MICA: variants seen among roughly 807,000 people sequenced by gnomAD.
MICA encodes the protein MHC class I polypeptide-related sequence A.
In MICA, 18 loss-of-function variants were observed where a neutral mutation model predicts 34.3. That is an observed-to-expected ratio of 0.52 (90% CI 0.36 to 0.78). MICA has a LOEUF of 0.78. Among genes scored for constraint, MICA ranks in the 30% least tolerant of loss-of-function variants. The pLI is 0.00. For synonymous variants in MICA, 135 were observed against 156.9 expected, an observed-to-expected ratio of 0.86 and a Z score of 1.04; for missense variants, 333 against 409.4, an observed-to-expected ratio of 0.81 and a Z score of 1.61.
chr6:31,409,963 A>C (rs1289665555), intron 1 of MICA, among the ~76,000 whole-genome samples: 2 of 86,422 alleles, frequency 2.3e-5, no homozygotes, highest in Non-Finnish European at 4.2e-5. Context: ...TTTGAACCCA[A>C]GCCCACACCG....
At position 31,403,774 on chromosome 6, in the gene MICA, G is replaced by A; in HGVS notation, c.70+72G>A. The A allele has an allele frequency of 1.4e-6, 2 of 1,425,320 alleles. No individual in the cohort carries two copies. The highest frequency in any genetic ancestry group is 2.3e-5 in the Admixed American group (1 of 43,228). The allele number at this position is 1,425,320 out of a possible 1,614,324, so 88.3% of individuals were successfully genotyped here. ...CGTTTCCGGGGGTCGGGTGGGTAGC[G>A]GCGAGCGCTGTGCGGTCAGGGCGGG... On this transcript the variant is annotated intron_variant, in intron 1 of 5. Coordinates refer to ENST00000449934, the MANE Select transcript of MICA (RefSeq NM_001177519.3). This position sits in a 1 kb window ranked among gnomAD's most constrained non-coding sequence, Gnocchi z 4.7.
chr6:31,405,712 C>T (rs1170020603), intron 1 of MICA, among the ~76,000 whole-genome samples: 3 of 151,802 alleles, frequency 2.0e-5, no homozygotes, highest in South Asian at 2.1e-4. Context: ...TCCCCCACTC[C>T]CCACTACCCT....
Position 31,415,039 on chromosome 6 carries a change from A to G in MICA, c.*57A>G. 6.8e-7 allele frequency: 1 copy of G among 1,467,618 alleles called. No homozygotes were observed. Among genetic ancestry groups the G allele is most frequent in the Non-Finnish European group, 9.5e-7 (1 of 1,056,406 alleles). The allele number at this position is 1,467,618 out of a possible 1,614,324, so 90.9% of individuals were successfully genotyped here. ...CTCGTGAGCCTGCAGGTCCTGGATC[A>G]ACACCCAGTTGGGACGAGTGACCAC... On this transcript the variant is annotated 3_prime_UTR_variant, in exon 6 of 6. Coordinates refer to ENST00000449934, the MANE Select transcript of MICA (RefSeq NM_001177519.3).
At chr6:31,409,306 G>C (rs1390724037) in intron 1 of MICA, among the ~76,000 whole-genome samples, 1 of 109,388 alleles carries the variant, frequency 9.1e-6, no homozygotes, top group African/African-American at 3.2e-5. Flanking sequence ...TGCCAACCTT[G>C]CTCTGTGTGT....
chr6:31,410,817 A>C lies in MICA; in HGVS notation c.325+20A>C. 2 of 1,549,894 alleles carry C rather than the reference A, an allele frequency of 1.3e-6. No homozygotes were observed. The highest frequency in any genetic ancestry group is 1.7e-6 in the Non-Finnish European group (2 of 1,146,186). ...AAGAAGGTGAGAGTCGGCAGGGGCA[A>C]GAGTGACTGGAGAGGCCTTTTCCAG... is the stretch of plus-strand genomic sequence containing the variant. On this transcript the variant is annotated intron_variant, in intron 2 of 5. Coordinates refer to ENST00000449934, the MANE Select transcript of MICA (RefSeq NM_001177519.3).
chr6:31,409,799 T>A (rs115508479), intron 1 of MICA, among the ~76,000 whole-genome samples: 110 of 151,936 alleles, frequency 7.2e-4, no homozygotes, highest in African/African-American at 2.5e-3. Flanking sequence ...TTGTATATAG[T>A]GCAAATTAAG....
upstream of MICA, among the ~76,000 whole-genome samples, chr6:31,401,857 A>T (rs1770448491): frequency 6.6e-6 from 1 of 151,786 alleles, no homozygotes; most frequent in Non-Finnish European, 1.5e-5. Context: ...GGGAACATGG[A>T]TATTAAAAAC....
rs1254959493 is a variant in MICA, at chr6:31,412,442, T to C, written c.*11T>C. ...TGTCCGTTGTTGTAAGAAGAAAACA[T>C]CAGCTGCAGAGGGTCCAGGTGAGAA... On this transcript the variant is annotated 3_prime_UTR_variant, in exon 5 of 6. Coordinates refer to ENST00000449934, the MANE Select transcript of MICA (RefSeq NM_001177519.3). 6.4e-7 allele frequency: 1 copy of C among 1,570,476 alleles called. No individual in the cohort carries two copies. Among genetic ancestry groups the C allele is most frequent in the Admixed American group, 1.9e-5 (1 of 52,500 alleles).
At position 31,412,183 on chromosome 6, in the gene MICA, A is replaced by G. The variant is rs1351083786; in HGVS notation, c.850A>G (p.Met284Val). 1.2e-6 allele frequency: 2 copies of G among 1,612,294 alleles called. No homozygotes were observed. The highest frequency in any genetic ancestry group is 2.2e-5 in the South Asian group (2 of 90,906). ...RGEEQRFTCY[M>V]EHSGNHSTHP... ...AGAGGAGCAGAGGTTCACCTGCTAC[A>G]TGGAACACAGCGGGAATCACAGCAC... The change falls in exon 4 of 6, where the codon ATG becomes GTG. Residue 284 changes from methionine (M) to valine (V), a missense_variant. Coordinates refer to ENST00000449934, the MANE Select transcript of MICA (RefSeq NM_001177519.3).
rs41554616 is a variant in MICA at position 31,412,153 on chromosome 6, C to G, written c.820C>G (p.Arg274Gly). ...YQTWVATRIC[R>G]GEEQRFTCYM... ...GACCTGGGTGGCCACCAGGATTTGC[C>G]GAGGAGAGGAGCAGAGGTTCACCTG... The change falls in exon 4 of 6, where the codon CGA (arginine) becomes GGA (glycine). Residue 274 changes from arginine (R) to glycine (G), a missense_variant. Coordinates refer to ENST00000449934, the MANE Select transcript of MICA (RefSeq NM_001177519.3). 1.9e-3 allele frequency: 3,077 copies of G among 1,612,596 alleles called. 85 individuals carry two copies. The East Asian group carries it at 0.033, about 17-fold the overall frequency.
intron 5 of MICA, 103 bp downstream of exon 5, chr6:31,412,563 C>G (rs2844514): frequency 1.3e-6 from 1 of 754,632 alleles, no homozygotes; most frequent in Non-Finnish European, 2.2e-6. Flanking sequence ...ACAAGGCTTC[C>G]ATAACAGGGG....
intron 4 of MICA, 36 bp downstream of exon 4, chr6:31,412,261 G>C: frequency 6.2e-7 from 1 of 1,606,542 alleles, no homozygotes; most frequent in South Asian, 1.1e-5. Context: ...GGTCAGGCCA[G>C]GGTAGGGACA....
At chr6:31,409,988 C>A (rs1770999264) in intron 1 of MICA, among the ~76,000 whole-genome samples, 1 of 151,388 alleles carries the variant, frequency 6.6e-6, no homozygotes, top group Non-Finnish European at 1.5e-5. Flanking sequence ...TTGCTCCCCT[C>A]TGGGATACTG....
chr6:31,403,838 G>T lies in MICA; in HGVS notation c.70+136G>T. On this transcript the variant is annotated intron_variant, in intron 1 of 5. Coordinates refer to ENST00000449934, the MANE Select transcript of MICA (RefSeq NM_001177519.3). The surrounding 1 kb of genome is among the most constrained non-coding windows in gnomAD (Gnocchi z 4.7). Reference sequence around the variant, plus strand: ...GTCGGTGGCGCAGGGAGCTGGACGCGGCCCGTTACCGCCACACTTCAGCCC... The same window carrying T: ...GTCGGTGGCGCAGGGAGCTGGACGCTGCCCGTTACCGCCACACTTCAGCCC... 1.3e-6 allele frequency: 1 copy of T among 763,318 alleles called. No individual in the cohort carries two copies. The highest frequency in any genetic ancestry group is 1.9e-5 in the African/African-American group (1 of 53,070). The allele number at this position is 763,318 out of a possible 1,614,324, so 47.3% of individuals were successfully genotyped here.
intron 1 of MICA, among the ~76,000 whole-genome samples, chr6:31,409,675 G>A (rs186890702): frequency 1.3e-5 from 2 of 151,944 alleles, no homozygotes; most frequent in Admixed American, 6.6e-5. Flanking sequence ...ATCCATGAAA[G>A]CACTGTCAAA....
chr6:31,409,496 T>C (rs1243778233), intron 1 of MICA, among the ~76,000 whole-genome samples: 1 of 112,094 alleles, frequency 8.9e-6, no homozygotes, highest in East Asian at 3.1e-4. Context: ...TTTTGCCCAT[T>C]TTTTCCCCCA....
chr6:31,404,170 G>C (rs1770619670), intron 1 of MICA, among the ~76,000 whole-genome samples: 1 of 151,702 alleles, frequency 6.6e-6, no homozygotes, highest in African/African-American at 2.4e-5. Context: ...GCAGCTCCTG[G>C]AGTAGGGGCC....
chr6:31,407,984 T>C (rs1253530744), intron 1 of MICA, among the ~76,000 whole-genome samples: 1 of 151,938 alleles, frequency 6.6e-6, no homozygotes, highest in African/African-American at 2.4e-5. Flanking sequence ...AGCTGTGAGT[T>C]TGTCATATAT....
At position 31,411,855 on chromosome 6, in the gene MICA, C is replaced by G. The variant is rs1229001374; in HGVS notation, c.614-92C>G. The G allele has an allele frequency of 3.1e-5, 47 of 1,507,874 alleles. No homozygotes were observed. The highest frequency in any genetic ancestry group is 2.1e-4 in the Middle Eastern group (1 of 4,840). 93.4% of individuals were successfully genotyped at this position (1,507,874 alleles called of 1,614,324 possible). ...GGTCAGGGGTCCCGGAGGGCTTCAGCCAGAGTGAGAACAGTGAAGAGAAAC... is the reference window on the plus strand; with the variant it reads ...GGTCAGGGGTCCCGGAGGGCTTCAGGCAGAGTGAGAACAGTGAAGAGAAAC... On this transcript the variant is annotated intron_variant, in intron 3 of 5. Transcript: ENST00000449934. The surrounding 1 kb of genome is among the most constrained non-coding windows in gnomAD (Gnocchi z 4.3).
Sources: gnomAD v4.1 joint callset for allele counts (sites outside exome capture counted in the v4.1 genomes callset) on GRCh38, gnomAD v4.1.1 for gene constraint, Gnocchi (gnomAD v3.1) non-coding constraint, MANE v1.5 for transcripts, NCBI Gene and HGNC (gene_info 2026-07-23, HGNC 2026-07-21) for gene names.